Variants in DUSP29 observed in about 807,000 individuals in gnomAD.
DUSP29 encodes dual specificity phosphatase 29.
In DUSP29, 12 loss-of-function variants were observed where a neutral mutation model predicts 13.5. The ratio of observed to expected loss-of-function variants is 0.89; its 90% CI spans 0.57 to 1.44. DUSP29 has a LOEUF of 1.44. Ranked by LOEUF, DUSP29 falls within the 40% of genes most tolerant of loss-of-function variation. The pLI is 0.00. For synonymous variants in DUSP29, 134 were observed against 128.7 expected (o/e 1.04, Z -0.28); for missense variants, 308 against 301.1 (o/e 1.02, Z -0.17).
chr10:75,046,671 T>C (rs1846714724), intron 2 of DUSP29, among the ~76,000 whole-genome samples: 1 of 152,242 alleles, frequency 6.6e-6, no homozygotes, highest in South Asian at 2.1e-4. Flanking sequence ...TCCACTTGGC[T>C]CTTAGTGTGG....
intron 1 of DUSP29, among the ~76,000 whole-genome samples, chr10:75,067,362 G>T (rs138059050): frequency 6.4e-4 from 97 of 152,288 alleles, no homozygotes; most frequent in Admixed American, 8.5e-4. Context: ...CCTCGGAGTA[G>T]GGGGGATCTT....
At chr10:75,044,798 C>G (rs932069227) in intron 2 of DUSP29, among the ~76,000 whole-genome samples, 2 of 152,110 alleles carry the variant, frequency 1.3e-5, no homozygotes, top group African/African-American at 4.8e-5. Context: ...GATGGGCTGC[C>G]AGAGGAAACA....
rs769997597 is a variant in DUSP29 at position 75,038,080 on chromosome 10, G to A, written c.422-3C>T. On this transcript the variant is annotated splice_polypyrimidine_tract_variant and splice_region_variant and intron_variant, in intron 3 of 3. Coordinates refer to ENST00000338487, the MANE Select transcript of DUSP29 (RefSeq NM_001003892.3). ...GACGCAGTGAACCAGGATCTTACCTGCAGATGGAGCAGGGAGGAGAAAACC... is the reference window on the plus strand; with the variant it reads ...GACGCAGTGAACCAGGATCTTACCTACAGATGGAGCAGGGAGGAGAAAACC... 1 of 1,611,318 alleles carries A rather than the reference G, an allele frequency of 6.2e-7. No individual in the cohort carries two copies. The highest frequency in any genetic ancestry group is 2.2e-5 in the East Asian group (1 of 44,814).
chr10:75,061,526 G>T (rs1329933954), intron 1 of DUSP29, among the ~76,000 whole-genome samples: 1 of 152,184 alleles, frequency 6.6e-6, no homozygotes, highest in African/African-American at 2.4e-5. Context: ...TCGTAGGGGC[G>T]CAGGCATCTG....
intron 1 of DUSP29, among the ~76,000 whole-genome samples, chr10:75,061,316 G>T (rs777529845): frequency 9.2e-5 from 14 of 152,200 alleles, no homozygotes; most frequent in Non-Finnish European, 1.9e-4. Flanking sequence ...TCACTAGCTA[G>T]CCATGAGTGT....
At chr10:75,047,585 A>G (rs1328328921) in intron 2 of DUSP29, among the ~76,000 whole-genome samples, 2 of 152,390 alleles carry the variant, frequency 1.3e-5, no homozygotes, top group African/African-American at 4.8e-5. Context: ...CTGGGTCCAC[A>G]TAAATGCCTC....
At chr10:75,039,415 C>T (rs1330361290) in intron 3 of DUSP29, among the ~76,000 whole-genome samples, 4 of 152,090 alleles carry the variant, frequency 2.6e-5, no homozygotes, top group Non-Finnish European at 5.9e-5. Context: ...ACTCAGGAGG[C>T]GGAGGCAGGA....
At chr10:75,045,471 G>C (rs539663362) in intron 2 of DUSP29, among the ~76,000 whole-genome samples, 41 of 152,238 alleles carry the variant, frequency 2.7e-4, no homozygotes, top group African/African-American at 9.6e-4. Flanking sequence ...AGAGCTATCC[G>C]AAGGACCTAA....
intron 3 of DUSP29, among the ~76,000 whole-genome samples, chr10:75,038,844 C>A (rs1043323796): frequency 1.3e-5 from 2 of 152,110 alleles, no homozygotes; most frequent in Non-Finnish European, 2.9e-5. Context: ...TGAGGCCGGG[C>A]GCGGTGGCTC....
chr10:75,056,920 A>G (rs1846972324), intron 2 of DUSP29, among the ~76,000 whole-genome samples: 1 of 152,222 alleles, frequency 6.6e-6, no homozygotes, highest in Non-Finnish European at 1.5e-5. Context: ...AGGGATGCTT[A>G]CCCTGGATCT....
At chr10:75,063,844 C>T (rs1365813861) in intron 1 of DUSP29, among the ~76,000 whole-genome samples, 1 of 152,112 alleles carries the variant, frequency 6.6e-6, no homozygotes, top group Non-Finnish European at 1.5e-5. Flanking sequence ...CACATCGTAT[C>T]CCACAAATAC....
intron 1 of DUSP29, among the ~76,000 whole-genome samples, chr10:75,070,760 C>T (rs553037021): frequency 2.0e-5 from 3 of 152,258 alleles, no homozygotes; most frequent in East Asian, 1.9e-4. Flanking sequence ...TCGCCTCCTG[C>T]GTGACATGCA....
chr10:75,058,405 C>T lies in DUSP29; in HGVS notation c.110G>A (p.Gly37Glu), dbSNP rs756298727. Residue 37 changes from glycine to glutamate, a missense_variant, in exon 2 of 4, where the codon GGA becomes GAA. Gly to Glu is a moderately conservative substitution (Grantham distance 98). Transcript: ENST00000338487. ...GAAGAGCCGCTCCAGCTCAAAGGCT[C>T]CAGGGGTGCAGTAGTCCTCCTCCTC... ...EGEEEDYCTP[G>E]AFELERLFWK... 4.3e-6 allele frequency: 7 copies of T among 1,614,114 alleles called. No individual in the cohort carries two copies. The African/African-American group carries it at 9.3e-5, about 22-fold the overall frequency.
chr10:75,059,785 C>T (rs1236930480), intron 1 of DUSP29, among the ~76,000 whole-genome samples: 2 of 152,158 alleles, frequency 1.3e-5, no homozygotes, highest in Non-Finnish European at 2.9e-5. Context: ...GAAGCTTCCA[C>T]TTATCAAAAC....
At chr10:75,039,042 A>C (rs1254096067) in intron 3 of DUSP29, among the ~76,000 whole-genome samples, 1 of 152,168 alleles carries the variant, frequency 6.6e-6, no homozygotes, top group Non-Finnish European at 1.5e-5. Context: ...GCCAGAGCAC[A>C]TCTCTTACCA....
chr10:75,071,265 C>A (rs893430076), intron 1 of DUSP29, among the ~76,000 whole-genome samples: 1 of 152,240 alleles, frequency 6.6e-6, no homozygotes, highest in African/African-American at 2.4e-5. Flanking sequence ...TAAATGATTC[C>A]TGCTTGTCAG....
At chr10:75,054,036 T>C (rs1672590703) in intron 2 of DUSP29, among the ~76,000 whole-genome samples, 1 of 152,172 alleles carries the variant, frequency 6.6e-6, no homozygotes. Context: ...GAAAGGTAAA[T>C]ACAGTATATA....
chr10:75,044,809 C>G (rs1199657404), intron 2 of DUSP29, among the ~76,000 whole-genome samples: 3 of 152,082 alleles, frequency 2.0e-5, no homozygotes, highest in Non-Finnish European at 4.4e-5. Context: ...AGAGGAAACA[C>G]GGGTTCTTCC....
In DUSP29 at chr10:75,038,684, G is replaced by A. The variant is rs185186933; in HGVS notation, c.422-607C>T. ...CTGAATTCTGTTAAGTGGCAGAGGGGAGGGGAGAAAGAGTTGGAAGGGAGA... is the reference window on the plus strand; with the variant it reads ...CTGAATTCTGTTAAGTGGCAGAGGGAAGGGGAGAAAGAGTTGGAAGGGAGA... On this transcript the variant is annotated intron_variant, in intron 3 of 3. Transcript: ENST00000338487. 9.8e-4 allele frequency among the ~76,000 whole-genome samples: 148 copies of A among 150,970 alleles called. 1 individual carries two copies. Among genetic ancestry groups the A allele is most frequent in the African/African-American group, 3.4e-3 (139 of 41,170 alleles).
Sources: gnomAD v4.1 joint callset for allele counts (sites outside exome capture counted in the v4.1 genomes callset) on GRCh38, gnomAD v4.1.1 for gene constraint, MANE v1.5 for transcripts, NCBI Gene and HGNC (gene_info 2026-07-23, HGNC 2026-07-21) for gene names.